The following FAM135B variants were observed in gnomAD, a reference collection of about 807,000 sequenced individuals.
FAM135B encodes the protein family with sequence similarity 135 member B, also known as protein FAM135B.
In FAM135B, 43 loss-of-function variants were observed where a neutral mutation model predicts 127.7. The ratio of observed to expected loss-of-function variants is 0.34; its 90% CI spans 0.26 to 0.43. The LOEUF is 0.43. Ranked by LOEUF, FAM135B falls within the 20% of genes least tolerant of loss-of-function variation. FAM135B has a pLI of 1.00. For synonymous variants in FAM135B, 670 were observed against 665.1 expected (o/e 1.01, Z -0.11); for missense variants, 1,558 against 1,725.6 (o/e 0.90, Z 1.72).
rs1033967868 is a variant in FAM135B at position 138,494,883 on chromosome 8, T to C, written c.-20+1788A>G. On this transcript the variant is annotated intron_variant, in intron 1 of 19. Transcript: ENST00000395297. ...TCCACCCATTGTGAGCAGGCCTCACTGTTTCAAACTAGACGAGTGCTGCAT... is the reference window on the plus strand; with the variant it reads ...TCCACCCATTGTGAGCAGGCCTCACCGTTTCAAACTAGACGAGTGCTGCAT... Among the ~76,000 whole-genome samples, 6 of 151,298 alleles carry C rather than the reference T, an allele frequency of 4.0e-5. 1 individual carries two copies. Among genetic ancestry groups the C allele is most frequent in the South Asian group, 4.2e-4 (2 of 4,786 alleles).
At chr8:138,306,160 C>A (rs1001273663) in intron 3 of FAM135B, among the ~76,000 whole-genome samples, 3 of 152,090 alleles carry the variant, frequency 2.0e-5, no homozygotes, top group African/African-American at 4.8e-5. Flanking sequence ...TGAGGCCAGG[C>A]GTGGTGGCTC....
rs1306109870 is a variant in FAM135B, at chr8:138,141,968, G to C, written c.3639-619C>G. ...GCTATACCTCCCCACCTCTACTCAT[G>C]ATGAGCATAAAACCATCCAAGAAAA... On this transcript the variant is annotated intron_variant, in intron 16 of 19. Coordinates refer to ENST00000395297, the MANE Select transcript of FAM135B (RefSeq NM_015912.4). The surrounding 1 kb of genome is among the most constrained non-coding windows in gnomAD (Gnocchi z 4.7). 6.6e-6 allele frequency among the ~76,000 whole-genome samples: 1 copy of C among 152,124 alleles called. No homozygotes were observed. Among genetic ancestry groups the C allele is most frequent in the Non-Finnish European group, 1.5e-5 (1 of 68,038 alleles).
intron 2 of FAM135B, among the ~76,000 whole-genome samples, chr8:138,335,717 G>C (rs1828527418): frequency 6.6e-6 from 1 of 152,104 alleles, no homozygotes; most frequent in Non-Finnish European, 1.5e-5. Context: ...AGTTAACAAG[G>C]ATATCCAGGA....
chr8:138,256,542 C>T, intron 5 of FAM135B, 147 bp downstream of exon 5: 1 of 664,582 alleles, frequency 1.5e-6, no homozygotes, highest in Non-Finnish European at 2.6e-6. Context: ...TTAGCCCGCA[C>T]CCCTGAGTCA....
At chr8:138,250,716 A>T in intron 6 of FAM135B, 125 bp downstream of exon 6, 2 of 1,078,394 alleles carry the variant, frequency 1.9e-6, no homozygotes, top group South Asian at 1.5e-5. Context: ...CCCAAAGCTT[A>T]AACCTGCAGC....
intron 19 of FAM135B, among the ~76,000 whole-genome samples, chr8:138,133,121 C>T (rs981687049): frequency 1.3e-5 from 2 of 152,090 alleles, no homozygotes; most frequent in Non-Finnish European, 2.9e-5. Flanking sequence ...GAGGCCAACA[C>T]CAGAGAGGAC....
At chr8:138,422,272 G>A (rs1250609194) in intron 1 of FAM135B, among the ~76,000 whole-genome samples, 1 of 152,018 alleles carries the variant, frequency 6.6e-6, no homozygotes. Context: ...TAGGCAAGTG[G>A]GACCTCACTA....
At chr8:138,365,595 T>G (rs1587245212) in intron 2 of FAM135B, among the ~76,000 whole-genome samples, 1 of 152,340 alleles carries the variant, frequency 6.6e-6, no homozygotes, top group Admixed American at 6.5e-5. Flanking sequence ...ATCAATAGGC[T>G]TTTGTAAGAA....
At chr8:138,493,829 C>T (rs1485366269) in intron 1 of FAM135B, among the ~76,000 whole-genome samples, 1 of 135,256 alleles carries the variant, frequency 7.4e-6, no homozygotes, top group East Asian at 2.1e-4. Context: ...TGGGTATTCA[C>T]ATCCACACTT....
At chr8:138,298,789 A>G (rs993032276) in intron 3 of FAM135B, among the ~76,000 whole-genome samples, 2 of 152,138 alleles carry the variant, frequency 1.3e-5, no homozygotes, top group African/African-American at 4.8e-5. Flanking sequence ...AACTATTCCC[A>G]AGGAACACAC....
rs139932939 is a variant in FAM135B, at chr8:138,158,107, A to G, written c.1259-4891T>C. Among the ~76,000 whole-genome samples, 581 of 152,314 alleles carry G rather than the reference A, an allele frequency of 3.8e-3. 16 individuals carry two copies. Among genetic ancestry groups the G allele is most frequent in the Admixed American group, 0.031 (480 of 15,300 alleles). On this transcript the variant is annotated intron_variant, in intron 12 of 19. Transcript: ENST00000395297. The stretch of plus-strand genomic sequence containing the variant: ...TACTGGTACTAAAACAGAGATATAG[A>G]CCAATGGAACAGAACAGAACCCTCA...
At chr8:138,146,863 T>C (rs1817697915) in intron 14 of FAM135B, among the ~76,000 whole-genome samples, 1 of 152,208 alleles carries the variant, frequency 6.6e-6, no homozygotes, top group Admixed American at 6.5e-5. Flanking sequence ...TATTTGGATA[T>C]ATAAATTACC....
Position 138,132,407 on chromosome 8 carries a change from G to A in FAM135B, c.*186C>T, listed in dbSNP as rs1816281367. 3 of 585,388 alleles carry A rather than the reference G, an allele frequency of 5.1e-6. No individual in the cohort carries two copies. The highest frequency in any genetic ancestry group is 9.1e-6 in the Non-Finnish European group (3 of 329,142). 36.3% of individuals were successfully genotyped at this position (585,388 alleles called of 1,614,324 possible). A position where few individuals can be genotyped will look rare whatever the true frequency, so the allele number is the denominator to read the frequency against. On this transcript the variant is annotated 3_prime_UTR_variant, in exon 20 of 20. Coordinates refer to ENST00000395297, the MANE Select transcript of FAM135B (RefSeq NM_015912.4). The surrounding 1 kb of genome is among the most constrained non-coding windows in gnomAD (Gnocchi z 4.5). The stretch of plus-strand genomic sequence containing the variant: ...TTCAAGCAAAGTTTGTTGTCATTTA[G>A]TCTATTTGCTCAGCTTTCTCGAATC...
At chr8:138,163,511 T>C (rs897471733) in intron 12 of FAM135B, among the ~76,000 whole-genome samples, 3 of 152,148 alleles carry the variant, frequency 2.0e-5, no homozygotes, top group African/African-American at 7.2e-5. Context: ...AATTGAATCA[T>C]GGGGGCAGTT....
At chr8:138,337,777 T>C (rs1346268806) in intron 2 of FAM135B, among the ~76,000 whole-genome samples, 7 of 151,970 alleles carry the variant, frequency 4.6e-5, no homozygotes, top group East Asian at 1.9e-4. Flanking sequence ...TCATATGGAA[T>C]CAAAAAAGAG....
intron 5 of FAM135B, among the ~76,000 whole-genome samples, chr8:138,252,017 C>T (rs1208280862): frequency 1.3e-5 from 2 of 152,162 alleles, no homozygotes; most frequent in Non-Finnish European, 2.9e-5. Context: ...TGTGCGCAAA[C>T]AAAGGCCAAG....
At chr8:138,276,846 C>A (rs1488472492) in intron 3 of FAM135B, among the ~76,000 whole-genome samples, 1 of 152,238 alleles carries the variant, frequency 6.6e-6, no homozygotes, top group Non-Finnish European at 1.5e-5. Context: ...TGAGCAGGGC[C>A]TGCAGGTCAC....
At chr8:138,189,207 T>C (rs919277800) in intron 9 of FAM135B, among the ~76,000 whole-genome samples, 1 of 152,164 alleles carries the variant, frequency 6.6e-6, no homozygotes. Context: ...TTGACAGCGT[T>C]GCTTCGCAGA....
At chr8:138,376,624 T>C (rs547703584) in intron 1 of FAM135B, among the ~76,000 whole-genome samples, 31 of 152,368 alleles carry the variant, frequency 2.0e-4, no homozygotes, top group Non-Finnish European at 4.0e-4. Flanking sequence ...AAAACTGAGC[T>C]TTAATCTATT....
Sources: gnomAD v4.1 joint callset for allele counts (sites outside exome capture counted in the v4.1 genomes callset) on GRCh38, gnomAD v4.1.1 for gene constraint, Gnocchi (gnomAD v3.1) non-coding constraint, MANE v1.5 for transcripts, NCBI Gene and HGNC (gene_info 2026-07-23, HGNC 2026-07-21) for gene names.